Variants in SHTN1 observed in about 807,000 individuals in gnomAD.
SHTN1 encodes the protein shootin-1.
Under a neutral mutation model 83.1 loss-of-function variants are expected in SHTN1, and 42 were observed. That is an observed-to-expected ratio of 0.51 (90% CI 0.39 to 0.65). SHTN1 has a LOEUF of 0.65. Ranked by LOEUF, SHTN1 falls within the 30% of genes least tolerant of loss-of-function variation. The pLI, the probability that SHTN1 is intolerant of heterozygous loss-of-function variation, is 0.00. For missense variants in SHTN1, 622 were observed against 737.8 expected (o/e 0.84, Z 1.82); for synonymous variants, 224 against 247.7 (o/e 0.90, Z 0.90).
intron 1 of SHTN1, among the ~76,000 whole-genome samples, chr10:117,003,879 T>G (rs976148035): frequency 1.3e-5 from 2 of 152,130 alleles, no homozygotes; most frequent in African/African-American, 4.8e-5. Flanking sequence ...CTCCCTTTAT[T>G]TCTTTATTAT....
At position 116,906,722 on chromosome 10, in the gene SHTN1, G is replaced by T. The variant is rs746920717; in HGVS notation, c.1385C>A (p.Ser462Ter). The change falls in exon 15 of 17, where the codon TCA becomes TAA. Residue 462 changes from serine (S) to a stop codon, truncating the protein, a stop_gained. Transcript: ENST00000355371. LOFTEE classifies it high-confidence loss of function. ...ILGTLNKSTS[S>*]RSLKSLDPEN... ...AGGGTCAAGGGATTTTAAGCTTCTT[G>T]AACTAGTGGATTTGTTAAGTGTCCC... 6.2e-7 allele frequency: 1 copy of T among 1,612,444 alleles called. No homozygotes were observed.
At chr10:117,043,955 G>A (rs1852624771) in intron 2 of SHTN1, among the ~76,000 whole-genome samples, 1 of 152,100 alleles carries the variant, frequency 6.6e-6, no homozygotes, top group African/African-American at 2.4e-5. Context: ...GCAATAAGGG[G>A]AAATTTAAAT....
upstream of SHTN1, chr10:117,005,670 A>T (rs1851993417): frequency 3.8e-6 from 3 of 791,652 alleles, no homozygotes; most frequent in African/African-American, 5.6e-5. Flanking sequence ...GGGCGGGCCC[A>T]GGGTGGTACA....
intron 1 of SHTN1, among the ~76,000 whole-genome samples, chr10:117,110,656 C>A (rs559009861): frequency 6.6e-6 from 1 of 152,218 alleles, no homozygotes; most frequent in Non-Finnish European, 1.5e-5. Flanking sequence ...CCACCGTACC[C>A]AGCTGCAACT....
At chr10:117,092,577 C>G (rs1472503026) in intron 1 of SHTN1, among the ~76,000 whole-genome samples, 1 of 152,202 alleles carries the variant, frequency 6.6e-6, no homozygotes, top group African/African-American at 2.4e-5. Flanking sequence ...ATTCTCTAGA[C>G]CCATCTGGCT....
chr10:116,974,734 T>A (rs1333268773), intron 2 of SHTN1, among the ~76,000 whole-genome samples: 1 of 152,020 alleles, frequency 6.6e-6, no homozygotes, highest in Non-Finnish European at 1.5e-5. Flanking sequence ...TTATACAGAT[T>A]TCCTTCTTTT....
intron 1 of SHTN1, among the ~76,000 whole-genome samples, chr10:117,061,794 T>TCA (rs1852908066): frequency 2.0e-5 from 3 of 152,106 alleles, no homozygotes; most frequent in Admixed American, 2.0e-4. Context: ...AGAGGAAAAG[T>TCA]CACTCCACTT....
intron 9 of SHTN1, among the ~76,000 whole-genome samples, chr10:116,930,795 A>G (rs1848932540): frequency 6.6e-6 from 1 of 152,148 alleles, no homozygotes; most frequent in South Asian, 2.1e-4. Flanking sequence ...GTTCTTTGAG[A>G]AATCGCCACA....
intron 1 of SHTN1, among the ~76,000 whole-genome samples, chr10:116,980,980 T>C (rs1397647279): frequency 6.6e-6 from 1 of 152,178 alleles, no homozygotes; most frequent in Non-Finnish European, 1.5e-5. Flanking sequence ...AACTAGTCCA[T>C]AAAATAGGTG....
At chr10:117,017,255 G>A (rs1044133223) in intron 2 of SHTN1, among the ~76,000 whole-genome samples, 12 of 152,154 alleles carry the variant, frequency 7.9e-5, no homozygotes, top group Non-Finnish European at 1.5e-4. Flanking sequence ...ACTTTGGGAG[G>A]CCGAGGAGGG....
chr10:116,990,957 C>T (rs1287060433), intron 1 of SHTN1, among the ~76,000 whole-genome samples: 20 of 152,090 alleles, frequency 1.3e-4, no homozygotes, highest in Admixed American at 1.1e-3. Flanking sequence ...GAGGCCGAGG[C>T]GGGTGGATCA....
intron 1 of SHTN1, among the ~76,000 whole-genome samples, chr10:117,068,866 G>A (rs1418345161): frequency 6.6e-6 from 1 of 152,150 alleles, no homozygotes; most frequent in Non-Finnish European, 1.5e-5. Context: ...TGAGTACACA[G>A]ACATTAATTA....
At chr10:117,051,993 C>T (rs1852747927) in intron 1 of SHTN1, among the ~76,000 whole-genome samples, 1 of 9,026 alleles carries the variant, frequency 1.1e-4, no homozygotes, top group Non-Finnish European at 4.1e-4. Flanking sequence ...TTTCAAATGA[C>T]ATAATCATAT....
chr10:117,125,446 C>T (rs1853989034), intron 1 of SHTN1, among the ~76,000 whole-genome samples: 1 of 152,156 alleles, frequency 6.6e-6, no homozygotes, highest in Admixed American at 6.5e-5. Flanking sequence ...GACCTCGACA[C>T]CAATCTGTTT....
chr10:117,009,938 C>T (rs1261106979), upstream of SHTN1, among the ~76,000 whole-genome samples: 2 of 151,500 alleles, frequency 1.3e-5, no homozygotes, highest in Non-Finnish European at 1.5e-5. Flanking sequence ...TATGGAATAC[C>T]GTGAAGACAG....
At chr10:116,927,466 C>T (rs575615444) in intron 11 of SHTN1, among the ~76,000 whole-genome samples, 6 of 152,240 alleles carry the variant, frequency 3.9e-5, no homozygotes, top group African/African-American at 9.6e-5. Flanking sequence ...TCACATCTTA[C>T]ATGGCAGCAG....
intron 1 of SHTN1, among the ~76,000 whole-genome samples, chr10:116,996,003 T>C (rs530890400): frequency 6.6e-6 from 1 of 152,332 alleles, no homozygotes; most frequent in Non-Finnish European, 1.5e-5. Flanking sequence ...AGATTCCTTA[T>C]GAAGAGTTCC....
At chr10:117,085,167 G>C (rs962900386) in intron 1 of SHTN1, among the ~76,000 whole-genome samples, 8 of 152,066 alleles carry the variant, frequency 5.3e-5, no homozygotes, top group Non-Finnish European at 1.0e-4. Flanking sequence ...GCTTAAATTT[G>C]TATTATTTTT....
intron 1 of SHTN1, among the ~76,000 whole-genome samples, chr10:116,990,287 C>CTTTTTTTTTTTTTTTTTTTTTTTTGT (rs11399364): frequency 8.3e-6 from 1 of 119,920 alleles, no homozygotes; most frequent in African/African-American, 3.2e-5. Flanking sequence ...TTTTTTCTTT[C>CTTTTTTTTTTTTTTTTTTTTTTTTGT]TTTTTTTTTT....
Sources: allele counts gnomAD v4.1 joint callset (sites outside exome capture counted in the v4.1 genomes callset), GRCh38; gene constraint gnomAD v4.1.1; transcripts MANE v1.5; gene names NCBI Gene and HGNC (gene_info 2026-07-23, HGNC 2026-07-21).